Variants in PNPLA1 observed in about 807,000 individuals in gnomAD.
The protein encoded by PNPLA1 is omega-hydroxyceramide transacylase.
In PNPLA1, 36 loss-of-function variants were observed where a neutral mutation model predicts 51.7. The observed-to-expected ratio is 0.70, with a 90% CI of 0.53 to 0.92. The LOEUF (loss-of-function observed/expected upper bound fraction) is 0.92, where lower values mean the gene tolerates loss of function less well. Ranked by LOEUF, PNPLA1 falls within the 40% of genes least tolerant of loss-of-function variation. The probability of loss-of-function intolerance (pLI) is 0.00; values close to 1 mark genes in which losing one functional copy is unlikely to be tolerated. For synonymous variants in PNPLA1, 293 were observed against 280.1 expected (o/e 1.05, Z -0.46); for missense variants, 658 against 682.5 (o/e 0.96, Z 0.40).
At chr6:36,260,012 C>T (rs1200290421) in intron 1 of PNPLA1, among the ~76,000 whole-genome samples, 1 of 151,878 alleles carries the variant, frequency 6.6e-6, no homozygotes, top group East Asian at 1.9e-4. Flanking sequence ...AAATGAAAGA[C>T]CATTGAGGCC....
chr6:36,282,212 G>GGAAAGGAAGGAAGGAA (rs1554136650), intron 1 of PNPLA1, among the ~76,000 whole-genome samples: 2 of 108,632 alleles, frequency 1.8e-5, no homozygotes, highest in African/African-American at 3.4e-5. Flanking sequence ...AAGGAAGGAA[G>GGAAAGGAAGGAAGGAA]GGAAGGAAGG....
chr6:36,307,087 C>G (rs1293906483), intron 7 of PNPLA1, among the ~76,000 whole-genome samples: 1 of 152,288 alleles, frequency 6.6e-6, no homozygotes, highest in Middle Eastern at 3.4e-3. Flanking sequence ...CCCAGCCCCC[C>G]TCTCATCCCT....
At chr6:36,265,244 G>A (rs1769736418), upstream of PNPLA1, among the ~76,000 whole-genome samples, 1 of 152,186 alleles carries the variant, frequency 6.6e-6, no homozygotes, top group Non-Finnish European at 1.5e-5. Context: ...GGGAGGCTGA[G>A]GCAGGAGAAT....
intron 5 of PNPLA1, 71 bp from the exon 6 acceptor site, chr6:36,301,790 A>G: frequency 6.5e-7 from 1 of 1,536,104 alleles, no homozygotes; most frequent in Non-Finnish European, 8.8e-7. Flanking sequence ...AAAATAACTC[A>G]AGAAACCATT....
At chr6:36,269,911 G>A (rs1342836691), upstream of PNPLA1, among the ~76,000 whole-genome samples, 3 of 152,222 alleles carry the variant, frequency 2.0e-5, no homozygotes, top group African/African-American at 7.2e-5. Flanking sequence ...AAAGAGATGG[G>A]GTAGGCACCG....
intron 6 of PNPLA1, among the ~76,000 whole-genome samples, chr6:36,304,731 C>T (rs1771179481): frequency 6.6e-6 from 1 of 152,040 alleles, no homozygotes; most frequent in Non-Finnish European, 1.5e-5. Context: ...ATTAACCACA[C>T]CTGTGCATGA....
rs1348198628 is a variant in PNPLA1, at chr6:36,294,542, C to T, written c.714+143C>T. On this transcript the variant is annotated intron_variant, in intron 4 of 8. Transcript: ENST00000636260. The surrounding 1 kb of genome is among the most constrained non-coding windows in gnomAD (Gnocchi z 4.2). Reference sequence around the variant, plus strand: ...TTAAACTTCCTCCTAGACCTGCATCCTGGCCTTGCTGCTAACTAGCTATGT... The same window carrying T: ...TTAAACTTCCTCCTAGACCTGCATCTTGGCCTTGCTGCTAACTAGCTATGT... The T allele has an allele frequency of 4.2e-6, 3 of 721,410 alleles. No individual in the cohort carries two copies. The highest frequency in any genetic ancestry group is 1.8e-5 in the African/African-American group (1 of 56,368). The allele number at this position is 721,410 out of a possible 1,614,324, so 44.7% of individuals were successfully genotyped here.
At chr6:36,278,101 ATC>A (rs1770168459) in intron 1 of PNPLA1, among the ~76,000 whole-genome samples, 1 of 152,006 alleles carries the variant, frequency 6.6e-6, no homozygotes, top group African/African-American at 2.4e-5. Context: ...ACCCCACTCC[ATC>A]TCTCTTTTCC....
At position 36,270,060 on chromosome 6, in the gene PNPLA1, G is replaced by A. The variant is rs189559544; in HGVS notation, c.-400G>A. On this transcript the variant is annotated 5_prime_UTR_variant, in exon 1 of 9. Coordinates refer to ENST00000636260, the MANE Select transcript of PNPLA1 (RefSeq NM_001374623.1). ...AGGGCTGGGCAGAGCCCGCCTCCTTGGGCATGGCCCTGTGCTGGGGAGCAG... is the reference window on the plus strand; with the variant it reads ...AGGGCTGGGCAGAGCCCGCCTCCTTAGGCATGGCCCTGTGCTGGGGAGCAG... Among the ~76,000 whole-genome samples, 7 of 152,354 alleles carry A rather than the reference G, an allele frequency of 4.6e-5. No individual in the cohort carries two copies. In the East Asian group the frequency reaches 1.4e-3, roughly 29 times the overall value.
chr6:36,274,789 A>G (rs1322037016), intron 1 of PNPLA1, among the ~76,000 whole-genome samples: 1 of 152,192 alleles, frequency 6.6e-6, no homozygotes, highest in Non-Finnish European at 1.5e-5. Flanking sequence ...CCTGACTGCT[A>G]GTGATGTTCA....
intron 8 of PNPLA1, among the ~76,000 whole-genome samples, chr6:36,309,877 C>T (rs994541987): frequency 3.3e-5 from 5 of 152,142 alleles, no homozygotes; most frequent in African/African-American, 1.2e-4. Flanking sequence ...GAGGAGAAAC[C>T]TGTTCATTTC....
chr6:36,270,629 T>G lies in PNPLA1; in HGVS notation c.170T>G (p.Val57Gly). ...HRFAGTSAGA[V>G]IAALAICGIE... ...TTTGCGGGGACATCGGCAGGTGCTG[T>G]GATCGCCGCCCTGGCCATCTGCGGG... The change falls in exon 1 of 9, where the codon GTG (valine) becomes GGG (glycine). Residue 57 changes from valine to glycine, a missense_variant. Coordinates refer to ENST00000636260, the MANE Select transcript of PNPLA1 (RefSeq NM_001374623.1). 1 of 1,551,262 alleles carries G rather than the reference T, an allele frequency of 6.4e-7. No homozygotes were observed. The highest frequency in any genetic ancestry group is 8.7e-7 in the Non-Finnish European group (1 of 1,146,978).
At position 36,313,262 on chromosome 6, in the gene PNPLA1, A is replaced by G. The variant is rs1771444026; in HGVS notation, c.*1376A>G. On this transcript the variant is annotated 3_prime_UTR_variant, in exon 9 of 9. Transcript: ENST00000636260. ...AGTGAAAATGTTCCGTGAGGAGGAC[A>G]ACTTCAGCCTCAATTTTTCCAGCCT... 6.6e-6 allele frequency among the ~76,000 whole-genome samples: 1 copy of G among 152,128 alleles called. No individual in the cohort carries two copies. Among genetic ancestry groups the G allele is most frequent in the African/African-American group, 2.4e-5 (1 of 41,422 alleles).
chr6:36,306,236 T>C, intron 6 of PNPLA1, 56 bp from the exon 7 acceptor site: 1 of 1,312,136 alleles, frequency 7.6e-7, no homozygotes, highest in Non-Finnish European at 1.1e-6. Context: ...ATTTCAAAAA[T>C]GACTCCATAT....
intron 1 of PNPLA1, among the ~76,000 whole-genome samples, chr6:36,288,331 A>G (rs931318121): frequency 1.3e-5 from 2 of 152,168 alleles, no homozygotes; most frequent in African/African-American, 4.8e-5. Context: ...ATTAGATTAT[A>G]GGCTGGGTGC....
intron 1 of PNPLA1, among the ~76,000 whole-genome samples, chr6:36,271,894 A>C (rs1455335824): frequency 6.6e-6 from 1 of 152,220 alleles, no homozygotes; most frequent in Non-Finnish European, 1.5e-5. Flanking sequence ...CCATTTCATG[A>C]TGCATGCCTG....
intron 1 of PNPLA1, among the ~76,000 whole-genome samples, chr6:36,280,725 T>G (rs1770253404): frequency 6.6e-6 from 1 of 152,174 alleles, no homozygotes; most frequent in Non-Finnish European, 1.5e-5. Context: ...ATTTCTTCCT[T>G]TCTTGTGAGT....
At chr6:36,300,457 G>A (rs1377923512) in intron 5 of PNPLA1, among the ~76,000 whole-genome samples, 3 of 152,148 alleles carry the variant, frequency 2.0e-5, no homozygotes, top group African/African-American at 7.2e-5. Flanking sequence ...GCCTCCCAAA[G>A]TGCTGGGATT....
At position 36,302,068 on chromosome 6, in the gene PNPLA1, T is replaced by C. The variant is rs148164327; in HGVS notation, c.983T>C (p.Val328Ala). 174 of 1,614,148 alleles carry C rather than the reference T, an allele frequency of 1.1e-4. No individual in the cohort carries two copies. Among genetic ancestry groups the C allele is most frequent in the Middle Eastern group, 3.3e-4 (2 of 6,062 alleles). Residue 328 changes from valine (V) to alanine (A), a missense_variant, in exon 6 of 9, where the codon GTG (valine) becomes GCG (alanine). Coordinates refer to ENST00000636260, the MANE Select transcript of PNPLA1 (RefSeq NM_001374623.1). Reference protein sequence around the residue: ...GDGRGSHGPPVSQPVQTLEFT... With the variant: ...GDGRGSHGPPASQPVQTLEFT... ...GGAAGGGGCAGCCATGGTCCGCCTG[T>C]GTCCCAACCTGTGCAGACACTTGAA...
Sources: gnomAD v4.1 joint callset for allele counts (sites outside exome capture counted in the v4.1 genomes callset) on GRCh38, gnomAD v4.1.1 for gene constraint, Gnocchi (gnomAD v3.1) non-coding constraint, MANE v1.5 for transcripts, NCBI Gene and HGNC (gene_info 2026-07-23, HGNC 2026-07-21) for gene names.